Variants in EIF2AK4 observed in about 807,000 individuals in gnomAD.
EIF2AK4 encodes eukaryotic translation initiation factor 2 alpha kinase 4, also known as eIF-2-alpha kinase GCN2.
Under a neutral mutation model 211.1 loss-of-function variants are expected in EIF2AK4, and 139 were observed. The observed-to-expected ratio is 0.66, with a 90% confidence interval of 0.57 to 0.76. The LOEUF is 0.76. Ranked by LOEUF, EIF2AK4 falls within the 30% of genes least tolerant of loss-of-function variation. EIF2AK4 has a pLI of 0.00. For synonymous variants in EIF2AK4, 710 were observed against 751.3 expected (o/e 0.94, Z 0.90); for missense variants, 1,664 against 2,043.8 (o/e 0.81, Z 3.58).
chr15:40,010,599 A>G (rs967391102), intron 26 of EIF2AK4, among the ~76,000 whole-genome samples: 1 of 139,302 alleles, frequency 7.2e-6, no homozygotes, highest in African/African-American at 2.7e-5. Context: ...AATAAGAGGC[A>G]TCCAGGAGAT....
rs1342305044 is a variant in EIF2AK4 at position 39,955,708 on chromosome 15, G to A, written c.683G>A (p.Gly228Glu). ...CACAGAACGGCTGCCATTCTACATG[G>A]AGGCTCTCCTGACTTTGTAGGAAAT... ...GGHRTAAILH[G>E]GSPDFVGNGK... is the part of the protein sequence containing the mutation. The change falls in exon 6 of 39, where the codon GGA becomes GAA. Residue 228 changes from glycine (G) to glutamate (E), a missense_variant. Coordinates refer to ENST00000263791, the MANE Select transcript of EIF2AK4 (RefSeq NM_001013703.4). The A allele has an allele frequency of 6.2e-7, 1 of 1,613,088 alleles. No individual in the cohort carries two copies. The highest frequency in any genetic ancestry group is 1.7e-5 in the Admixed American group (1 of 59,752).
At chr15:39,947,882 T>C (rs185703591) in intron 3 of EIF2AK4, among the ~76,000 whole-genome samples, 222 of 152,338 alleles carry the variant, frequency 1.5e-3, no homozygotes, top group Non-Finnish European at 2.6e-3. Context: ...TACAGAAAAC[T>C]CTAGTAAAGT....
At chr15:39,963,916 A>G (rs2034507046) in intron 7 of EIF2AK4, among the ~76,000 whole-genome samples, 1 of 152,220 alleles carries the variant, frequency 6.6e-6, no homozygotes, top group Non-Finnish European at 1.5e-5. Flanking sequence ...ACTGCATAAC[A>G]CACAAATTTA....
chr15:39,992,222 C>T lies in EIF2AK4; in HGVS notation c.2679C>T (p.Asp893=). 1 of 1,610,972 alleles carries T rather than the reference C, an allele frequency of 6.2e-7. No homozygotes were observed. The highest frequency in any genetic ancestry group is 2.2e-5 in the East Asian group (1 of 44,824). ...AGACAGGAGACTTGATTAAGTCAGA[C>T]CCTTCAGGTAAACCCAGAAGACTAT... ...DDQTGDLIKS[D]PSGHLTGMVG... The change falls in exon 17 of 39, where the codon GAC becomes GAT. Residue 893 remains aspartate (D), a synonymous_variant. Transcript: ENST00000263791.
At position 39,978,923 on chromosome 15, in the gene EIF2AK4, A is replaced by G. The variant is rs139322745; in HGVS notation, c.2319+776A>G. On this transcript the variant is annotated intron_variant, in intron 13 of 38. Transcript: ENST00000263791. ...GTCTGATCTCCAGGTTGTGAAAACT[A>G]TAATTAAAAAGTCACTACACAGAAA... is the stretch of plus-strand genomic sequence containing the variant. Among the ~76,000 whole-genome samples, 6 of 152,338 alleles carry G rather than the reference A, an allele frequency of 3.9e-5. No individual in the cohort carries two copies. The East Asian group carries it at 9.6e-4, about 24-fold the overall frequency.
intron 7 of EIF2AK4, 42 bp downstream of exon 7, chr15:39,961,941 A>G (rs773948753): frequency 4.0e-6 from 6 of 1,500,688 alleles, no homozygotes; most frequent in Non-Finnish European, 5.6e-6. Context: ...TTGTAATGGC[A>G]AAAGTTAATC....
At chr15:40,007,170 GA>G (rs2035173003) in intron 24 of EIF2AK4, 105 bp downstream of exon 24, 1 of 1,053,658 alleles carries the variant, frequency 9.5e-7, no homozygotes, top group African/African-American at 1.6e-5. Context: ...ACACAGTTAA[GA>G]ATTCTGGGTT....
rs781270229 is a variant in EIF2AK4 at position 40,017,174 on chromosome 15, G to C, written c.3997G>C (p.Ala1333Pro). ...QHNGIIFQFVAFIKRRQRAVP... is the reference protein window; with the variant it reads ...QHNGIIFQFVPFIKRRQRAVP... ...CAATGGAATCATCTTCCAGTTTGTGGCTTTCATCAAACGAAGGCAAAGGGC... is the reference window on the plus strand; with the variant it reads ...CAATGGAATCATCTTCCAGTTTGTGCCTTTCATCAAACGAAGGCAAAGGGC... The change falls in exon 29 of 39, where the codon GCT (alanine) becomes CCT (proline). Residue 1333 changes from alanine to proline, a missense_variant. Ala to Pro is a conservative substitution (Grantham distance 27). This residue lies in a region of EIF2AK4 where 622 missense variants were observed against 796.8 expected (regional missense o/e 0.78). Coordinates refer to ENST00000263791, the MANE Select transcript of EIF2AK4 (RefSeq NM_001013703.4). 1.4e-5 allele frequency: 23 copies of C among 1,613,966 alleles called. No individual in the cohort carries two copies. The highest frequency in any genetic ancestry group is 1.9e-5 in the Non-Finnish European group (23 of 1,179,886).
At chr15:39,951,541 G>A in intron 4 of EIF2AK4, 1 of 345,170 alleles carries the variant, frequency 2.9e-6, no homozygotes, top group South Asian at 2.3e-5. Context: ...GCACAGATCT[G>A]TTTTAAAATC....
At chr15:39,949,871 T>C (rs1387704629) in intron 4 of EIF2AK4, among the ~76,000 whole-genome samples, 1 of 152,078 alleles carries the variant, frequency 6.6e-6, no homozygotes, top group Non-Finnish European at 1.5e-5. Flanking sequence ...AAATTCAAGT[T>C]TGTTTAAATA....
chr15:40,005,140 A>G lies in EIF2AK4; in HGVS notation c.3357+1826A>G, dbSNP rs75091031. 9.8e-3 allele frequency among the ~76,000 whole-genome samples: 1,486 copies of G among 152,340 alleles called. 28 individuals are homozygous for G. Among genetic ancestry groups the G allele is most frequent in the African/African-American group, 0.035 (1,437 of 41,578 alleles). On this transcript the variant is annotated intron_variant, in intron 23 of 38. Transcript: ENST00000263791. Reference sequence around the variant, plus strand: ...GTACAGGAGGATGCGCATAGGCTATAGGCAAATGCTCTGTCATTTTATATC... The same window carrying G: ...GTACAGGAGGATGCGCATAGGCTATGGGCAAATGCTCTGTCATTTTATATC...
intron 4 of EIF2AK4, among the ~76,000 whole-genome samples, chr15:39,952,897 G>T (rs1656894): frequency 0.31 from 47,427 of 151,810 alleles, 7,634 homozygotes; most frequent in African/African-American, 0.39. Context: ...GCCCAGACTG[G>T]AGTACAGTGG....
chr15:39,945,982 A>G (rs1719567477), intron 3 of EIF2AK4, among the ~76,000 whole-genome samples: 1 of 152,216 alleles, frequency 6.6e-6, no homozygotes, highest in South Asian at 2.1e-4. Context: ...TTAAAATATT[A>G]TTGCTCATTG....
intron 7 of EIF2AK4, among the ~76,000 whole-genome samples, chr15:39,963,218 T>C (rs2034496919): frequency 6.6e-6 from 1 of 152,200 alleles, no homozygotes; most frequent in Admixed American, 6.5e-5. Flanking sequence ...TTCAAGACAT[T>C]GGTAGTGGTG....
intron 18 of EIF2AK4, 47 bp from the exon 19 acceptor site, chr15:39,996,917 T>C (rs773939934): frequency 1.5e-6 from 2 of 1,317,666 alleles, no homozygotes; most frequent in South Asian, 2.4e-5. Flanking sequence ...TGGTAAATTA[T>C]ACTTTCATAT....
chr15:39,950,985 T>C (rs1363102770), intron 4 of EIF2AK4, among the ~76,000 whole-genome samples: 1 of 152,232 alleles, frequency 6.6e-6, no homozygotes, highest in Non-Finnish European at 1.5e-5. Flanking sequence ...CCATTTATAT[T>C]AAAAATTCAC....
At chr15:39,993,420 C>T (rs1467534808) in intron 18 of EIF2AK4, among the ~76,000 whole-genome samples, 1 of 152,150 alleles carries the variant, frequency 6.6e-6, no homozygotes, top group Non-Finnish European at 1.5e-5. Context: ...AACTGAGTGA[C>T]AAAGAGAACA....
chr15:39,994,241 GCA>G (rs2034989557), intron 18 of EIF2AK4, among the ~76,000 whole-genome samples: 1 of 152,180 alleles, frequency 6.6e-6, no homozygotes, highest in Non-Finnish European at 1.5e-5. Context: ...TTTGAAATCA[GCA>G]CACAGATAGG....
chr15:39,965,888 G>T (rs2034537706), intron 8 of EIF2AK4, 45 bp downstream of exon 8: 1 of 1,605,506 alleles, frequency 6.2e-7, no homozygotes, highest in Admixed American at 1.7e-5. Context: ...CTAATCTCAG[G>T]CTTTAGGAGA....
Sources: gnomAD v4.1 joint callset for allele counts (sites outside exome capture counted in the v4.1 genomes callset) on GRCh38, gnomAD v4.1.1 for gene constraint, gnomAD v4.1.1 regional missense constraint, MANE v1.5 for transcripts, NCBI Gene and HGNC (gene_info 2026-07-23, HGNC 2026-07-21) for gene names.